LILRB3: variants seen among roughly 807,000 people sequenced by gnomAD.
LILRB3 encodes the protein leukocyte immunoglobulin like receptor B3, also known as leukocyte immunoglobulin-like receptor subfamily B member 3.
Under a neutral mutation model 68.2 loss-of-function variants are expected in LILRB3, and 32 were observed. That is an observed-to-expected ratio of 0.47 (90% CI 0.35 to 0.63). The LOEUF is 0.63. Among genes scored for constraint, LILRB3 ranks in the 30% least tolerant of loss-of-function variants. The pLI, the probability that LILRB3 is intolerant of heterozygous loss-of-function variation, is 0.00. For missense variants in LILRB3, 502 were observed against 791.3 expected (o/e 0.63, Z 4.39); for synonymous variants, 185 against 323.1 (o/e 0.57, Z 4.58).
chr19:54,219,829 C>T (rs1232857974), intron 7 of LILRB3: 1 of 1,540,686 alleles, frequency 6.5e-7, no homozygotes, highest in South Asian at 1.2e-5. Flanking sequence ...CCTGCCTCCC[C>T]TGGACCCCGC....
chr19:54,217,759 G>A (rs1043723631), intron 11 of LILRB3: 32 of 609,682 alleles, frequency 5.2e-5, no homozygotes, highest in East Asian at 3.4e-4. Flanking sequence ...GCAGGGGCTC[G>A]TCCATCAGAG....
rs368589369 is a variant in LILRB3 at position 54,219,175 on chromosome 19, G to A, written c.1380C>T (p.Leu460=). ...GACGCTGACGGAGGAGGAGGAGGAAGAGGAGGAGGAAGAGCAGCAGGACGA... is the reference window on the plus strand; with the variant it reads ...GACGCTGACGGAGGAGGAGGAGGAAAAGGAGGAGGAAGAGCAGCAGGACGA... Residue 460 remains leucine (L), a synonymous_variant, in exon 8 of 13, where the codon CTC becomes CTT. Transcript: ENST00000445347. The A allele has an allele frequency of 4.4e-6, 7 of 1,608,248 alleles. No individual in the cohort carries two copies. In the African/African-American group the frequency reaches 8.0e-5, roughly 18 times the overall value.
rs138114179 is a variant in LILRB3 at position 54,220,018 on chromosome 19, A to AC, written c.1309+136dup. The AC allele has an allele frequency of 2.0e-5, 20 of 978,298 alleles. 4 individuals are homozygous for AC. The highest frequency in any genetic ancestry group is 1.3e-4 in the South Asian group (8 of 61,972). 60.6% of individuals were successfully genotyped at this position (978,298 alleles called of 1,614,324 possible). On this transcript the variant is annotated intron_variant, in intron 7 of 12. Transcript: ENST00000445347. ...GGCCCCAACATCTCCCTCTGCCTCGACCCCCGCCCCTCACCAGCCCAGCCT... is the reference window on the plus strand; with the variant it reads ...GGCCCCAACATCTCCCTCTGCCTCGACCCCCCGCCCCTCACCAGCCCAGCCT...
chr19:54,221,188 C>A, exon 5 of LILRB3: 1 of 1,532,076 alleles, frequency 6.5e-7, no homozygotes, highest in Non-Finnish European at 8.8e-7. Flanking sequence ...CTCACAGGGC[C>A]CAGGGTGAAG....
chr19:54,220,005 TCCCTCTGCCTCGACCCCCGCCCC>T, intron 7 of LILRB3, 127 bp downstream of exon 7: 3 of 1,151,700 alleles, frequency 2.6e-6, no homozygotes, highest in Non-Finnish European at 3.5e-6. Context: ...CCCCAACATC[TCCCTCTGCCTCGACCCCCGCCCC>T]TCACCAGCCC....
chr19:54,218,805 C>G (rs2077757291), exon 9 of LILRB3: 7 of 1,613,964 alleles, frequency 4.3e-6, no homozygotes, highest in Non-Finnish European at 5.9e-6. Context: ...CTCCGCAGCC[C>G]CTGCAGGACG....
intron 7 of LILRB3, 69 bp downstream of exon 7, chr19:54,220,086 T>G: frequency 6.7e-7 from 1 of 1,491,198 alleles, no homozygotes; most frequent in Non-Finnish European, 9.0e-7. Flanking sequence ...GGGAGGGGAG[T>G]GGGATCCTTT....
chr19:54,218,766 C>T, exon 9 of LILRB3: 1 of 1,614,098 alleles, frequency 6.2e-7, no homozygotes, highest in Non-Finnish European at 8.5e-7. Flanking sequence ...GAATTACCTC[C>T]TCAGCAGGCC....
intron 7 of LILRB3, 191 bp from the exon 8 acceptor site, chr19:54,219,436 A>G (rs2077849995): frequency 6.6e-7 from 1 of 1,514,072 alleles, no homozygotes; most frequent in Non-Finnish European, 9.0e-7. Flanking sequence ...CGCCTGCCCC[A>G]GGCCTCCAGC....
chr19:54,219,792 G>A, intron 7 of LILRB3: 1 of 1,512,202 alleles, frequency 6.6e-7, no homozygotes, highest in East Asian at 2.5e-5. Context: ...ACCTCCAGAG[G>A]AGCCTGAACC....
At chr19:54,219,540 G>A (rs117408808) in intron 7 of LILRB3, 62,396 of 1,550,328 alleles carry the variant, frequency 0.04, 1,598 homozygotes, top group Middle Eastern at 0.08. Context: ...CAGGGAAAGA[G>A]CCTGACCGTC....
At chr19:54,218,977 C>A in intron 8 of LILRB3, 139 bp from the exon 9 acceptor site, 1 of 1,527,130 alleles carries the variant, frequency 6.5e-7, no homozygotes, top group East Asian at 2.3e-5. Flanking sequence ...AAAAAAACTC[C>A]CATGAATACT....
chr19:54,217,842 T>C, intron 11 of LILRB3: 1 of 532,992 alleles, frequency 1.9e-6, no homozygotes, highest in Non-Finnish European at 3.5e-6. Flanking sequence ...CCATTCAGAC[T>C]GGCCCCACTG....
At chr19:54,217,614 G>T (rs1035178070) in intron 11 of LILRB3, 140 bp from the exon 12 acceptor site, 8 of 1,176,738 alleles carry the variant, frequency 6.8e-6, no homozygotes, top group Non-Finnish European at 9.4e-6. Context: ...GCCGTGGAGG[G>T]TCTGGCCGCT....
intron 5 of LILRB3, 117 bp downstream of exon 5, chr19:54,220,962 CTCTG>C (rs1416463392): frequency 3.7e-6 from 4 of 1,075,364 alleles, no homozygotes; most frequent in South Asian, 3.2e-5. Flanking sequence ...CATCCCCTGT[CTCTG>C]TCTGTCTCTC....
Position 54,220,194 on chromosome 19 carries a change from C to T in LILRB3, c.1270G>A (p.Gly424Ser), listed in dbSNP as rs1435189323. 4.7e-6 allele frequency: 7 copies of T among 1,479,136 alleles called. No homozygotes were observed. In the African/African-American group the frequency reaches 8.6e-5, roughly 18 times the overall value. The allele number at this position is 1,479,136 out of a possible 1,614,324, so 91.6% of individuals were successfully genotyped here. ...GGCCCTGTGGGTGGGAGGCTGGAGCCTCCAGAGTGTCCTGGAAGGAGCACG... is the reference window on the plus strand; with the variant it reads ...GGCCCTGTGGGTGGGAGGCTGGAGCTTCCAGAGTGTCCTGGAAGGAGCACG... Residue 424 changes from glycine (G) to serine (S), a missense_variant, in exon 7 of 13, where the codon GGC (glycine) becomes AGC (serine). Coordinates refer to ENST00000445347, the Ensembl canonical transcript of LILRB3.
Position 54,219,249 on chromosome 19 carries a change from G to T in LILRB3, c.1310-4C>A. 1.9e-6 allele frequency: 3 copies of T among 1,554,886 alleles called. No homozygotes were observed. Among genetic ancestry groups the T allele is most frequent in the Non-Finnish European group, 2.6e-6 (3 of 1,152,018 alleles). ...ACCTCCAGGTATCTTCCCAGACCTT[G>T]ACATGAGGACGTCAGGAGTGGGAAT... On this transcript the variant is annotated splice_region_variant and splice_polypyrimidine_tract_variant and intron_variant, in intron 7 of 12. Transcript: ENST00000445347.
intron 10 of LILRB3, 98 bp downstream of exon 10, chr19:54,218,547 C>T (rs111667438): frequency 2.7e-5 from 43 of 1,603,730 alleles, no homozygotes; most frequent in African/African-American, 1.9e-4. Flanking sequence ...CCATCTTCCA[C>T]GGAGCCCCAG....
At chr19:54,216,906 T>G (rs1568930104) in exon 13 of LILRB3, 1 of 1,441,696 alleles carries the variant, frequency 6.9e-7, no homozygotes, top group Non-Finnish European at 9.1e-7. Context: ...TTGCTTTATT[T>G]CCAAAATGGG....
Sources: allele counts gnomAD v4.1 joint callset, GRCh38; gene constraint gnomAD v4.1.1; transcripts MANE v1.5; gene names NCBI Gene and HGNC (gene_info 2026-07-23, HGNC 2026-07-21).